Variants in BTBD9 observed in about 807,000 individuals in gnomAD.
The protein encoded by BTBD9 is BTB domain containing 9.
In BTBD9, 49 loss-of-function variants were observed where a neutral mutation model predicts 64.3. The observed-to-expected ratio is 0.76, with a 90% CI of 0.61 to 0.97. BTBD9 has a LOEUF of 0.97. BTBD9 is among the 50% of genes least tolerant of loss of function. The pLI, the probability that BTBD9 is intolerant of heterozygous loss-of-function variation, is 0.00. For synonymous variants in BTBD9, 260 were observed against 274.7 expected (o/e 0.95, Z 0.53); for missense variants, 598 against 762.1 (o/e 0.78, Z 2.53).
intron 7 of BTBD9, among the ~76,000 whole-genome samples, chr6:38,323,995 C>T (rs1238938512): frequency 6.6e-6 from 1 of 151,994 alleles, no homozygotes; most frequent in East Asian, 1.9e-4. Context: ...CCCAGCTACT[C>T]AGAAGGCTGA....
At chr6:38,334,074 C>T (rs1193116527) in intron 7 of BTBD9, among the ~76,000 whole-genome samples, 1 of 152,158 alleles carries the variant, frequency 6.6e-6, no homozygotes, top group Admixed American at 6.5e-5. Flanking sequence ...GTCACTTTTG[C>T]TATGCTTTAA....
At chr6:38,317,614 G>A (rs1375565629) in intron 7 of BTBD9, among the ~76,000 whole-genome samples, 1 of 151,904 alleles carries the variant, frequency 6.6e-6, no homozygotes, top group African/African-American at 2.4e-5. Flanking sequence ...CCTCTTTAAG[G>A]CCAATAACTC....
At chr6:38,591,707 G>C (rs886756351) in intron 4 of BTBD9, among the ~76,000 whole-genome samples, 1 of 152,126 alleles carries the variant, frequency 6.6e-6, no homozygotes, top group Non-Finnish European at 1.5e-5. Flanking sequence ...ATACCTCAAA[G>C]AGTTGTGAGA....
intron 6 of BTBD9, among the ~76,000 whole-genome samples, chr6:38,386,204 A>G (rs1582339928): frequency 6.6e-6 from 1 of 152,346 alleles, no homozygotes; most frequent in Non-Finnish European, 1.5e-5. Context: ...CACTTAGGCT[A>G]CAAGTTTCAA....
intron 6 of BTBD9, among the ~76,000 whole-genome samples, chr6:38,439,729 AACTGTG>A (rs1260612250): frequency 6.6e-6 from 1 of 152,094 alleles, no homozygotes; most frequent in Non-Finnish European, 1.5e-5. Context: ...ACCTGGCCGC[AACTGTG>A]ACTTTTAATT....
intron 10 of BTBD9, among the ~76,000 whole-genome samples, chr6:38,186,353 AATG>A (rs1761818389): frequency 6.6e-6 from 1 of 152,234 alleles, no homozygotes; most frequent in African/African-American, 2.4e-5. Context: ...AATTAATAAT[AATG>A]ATGATTATTA....
intron 6 of BTBD9, among the ~76,000 whole-genome samples, chr6:38,510,083 C>T (rs1190075431): frequency 2.6e-5 from 4 of 152,192 alleles, no homozygotes; most frequent in African/African-American, 4.8e-5. Context: ...TCCCTAAACA[C>T]GCCATGTTCT....
At chr6:38,341,745 C>T (rs1764109091) in intron 7 of BTBD9, among the ~76,000 whole-genome samples, 1 of 152,176 alleles carries the variant, frequency 6.6e-6, no homozygotes, top group Non-Finnish European at 1.5e-5. Flanking sequence ...CAAATGCCTC[C>T]TAACACAGAG....
intron 10 of BTBD9, among the ~76,000 whole-genome samples, chr6:38,183,351 A>C (rs1046570088): frequency 6.6e-5 from 10 of 152,198 alleles, no homozygotes; most frequent in African/African-American, 9.7e-5. Context: ...CTGGGAAGGA[A>C]GCTTTAAGAT....
intron 9 of BTBD9, among the ~76,000 whole-genome samples, chr6:38,250,532 T>C (rs1389025032): frequency 1.3e-5 from 2 of 152,226 alleles, no homozygotes; most frequent in African/African-American, 4.8e-5. Context: ...ACAATGTTTA[T>C]ATGATCATTA....
intron 7 of BTBD9, among the ~76,000 whole-genome samples, chr6:38,291,267 G>A (rs1403633328): frequency 1.3e-5 from 2 of 152,142 alleles, no homozygotes; most frequent in Non-Finnish European, 2.9e-5. Context: ...TTGTGAATGG[G>A]AGTTCACTCA....
chr6:38,580,350 T>G lies in BTBD9; in HGVS notation c.902A>C (p.Gln301Pro). ...LKSALLDGDT[Q>P]NYDLDHGFSR... ...AAATCCATGATCCAAATCATAATTT[T>G]GAGTATCACCATCTAATAAGGCTGA... The change falls in exon 5 of 11, where the codon CAA (glutamine) becomes CCA (proline). Residue 301 changes from glutamine (Q) to proline (P), a missense_variant. Coordinates refer to ENST00000481247, the MANE Select transcript of BTBD9 (RefSeq NM_001099272.2). 1 of 1,614,260 alleles carries G rather than the reference T, an allele frequency of 6.2e-7. No homozygotes were observed.
chr6:38,409,936 C>T (rs1327979958), intron 6 of BTBD9, among the ~76,000 whole-genome samples: 1 of 152,230 alleles, frequency 6.6e-6, no homozygotes, highest in Admixed American at 6.5e-5. Context: ...ATAATTCGAA[C>T]TAATTTATCC....
intron 1 of BTBD9, among the ~76,000 whole-genome samples, chr6:38,611,540 A>C (rs921264238): frequency 3.3e-5 from 5 of 152,168 alleles, no homozygotes; most frequent in African/African-American, 1.2e-4. Context: ...TTTAGTTAAC[A>C]AGAGACTTTT....
intron 2 of BTBD9, among the ~76,000 whole-genome samples, chr6:38,594,843 T>C (rs1269027551): frequency 1.3e-5 from 2 of 152,366 alleles, no homozygotes; most frequent in Admixed American, 6.5e-5. Flanking sequence ...TTATGGAAAG[T>C]AATTTAGTAG....
At chr6:38,319,389 G>A (rs1231210880) in intron 7 of BTBD9, among the ~76,000 whole-genome samples, 1 of 152,028 alleles carries the variant, frequency 6.6e-6, no homozygotes, top group African/African-American at 2.4e-5. Flanking sequence ...CTGCGAATAT[G>A]CTGGGCCACA....
At chr6:38,255,753 G>A (rs1764553385) in intron 9 of BTBD9, among the ~76,000 whole-genome samples, 1 of 152,172 alleles carries the variant, frequency 6.6e-6, no homozygotes, top group Non-Finnish European at 1.5e-5. Context: ...TGAGTGTGGG[G>A]AATAGGATAG....
intron 9 of BTBD9, among the ~76,000 whole-genome samples, chr6:38,226,572 A>C (rs1048985071): frequency 6.6e-6 from 1 of 152,218 alleles, no homozygotes; most frequent in Admixed American, 6.5e-5. Context: ...AACTGCCCCC[A>C]AAACAACACA....
intron 6 of BTBD9, among the ~76,000 whole-genome samples, chr6:38,491,605 T>A (rs1417877152): frequency 3.3e-5 from 5 of 152,226 alleles, no homozygotes; most frequent in African/African-American, 4.8e-5. Context: ...TAATTTATGG[T>A]TTATTTTAAT....
Sources: gnomAD v4.1 joint callset for allele counts (sites outside exome capture counted in the v4.1 genomes callset) on GRCh38, gnomAD v4.1.1 for gene constraint, MANE v1.5 for transcripts, NCBI Gene and HGNC (gene_info 2026-07-23, HGNC 2026-07-21) for gene names.